The following UBE3C variants were observed in gnomAD, a reference collection of about 807,000 sequenced individuals.
The protein encoded by UBE3C is ubiquitin protein ligase E3C.
In UBE3C, 42 loss-of-function variants were observed where a neutral mutation model predicts 129.4. That is an observed-to-expected ratio of 0.32 (90% confidence interval 0.25 to 0.42). The LOEUF is 0.42. Among genes scored for constraint, UBE3C ranks in the 10% least tolerant of loss-of-function variants. The pLI is 1.00. For synonymous variants in UBE3C, 510 were observed against 492.4 expected (o/e 1.04, Z -0.47); for missense variants, 1,049 against 1,319.1 (o/e 0.80, Z 3.17).
intron 1 of UBE3C, among the ~76,000 whole-genome samples, chr7:157,150,615 G>A (rs746203117): frequency 1.3e-5 from 2 of 152,104 alleles, no homozygotes; most frequent in Non-Finnish European, 2.9e-5. Context: ...ATACTGTGCA[G>A]CCATTTAAAA....
intron 9 of UBE3C, among the ~76,000 whole-genome samples, chr7:157,184,961 A>T (rs144924708): frequency 2.0e-5 from 3 of 152,220 alleles, no homozygotes; most frequent in African/African-American, 7.2e-5. Flanking sequence ...TATAGTGGAC[A>T]GTGGATGCTG....
At chr7:157,201,961 GAA>G (rs1367488500) in intron 11 of UBE3C, among the ~76,000 whole-genome samples, 154 bp downstream of exon 11, 1 of 152,056 alleles carries the variant, frequency 6.6e-6, no homozygotes, top group African/African-American at 2.4e-5. Context: ...TGCACAAAAA[GAA>G]AAATCAGTGT....
At chr7:157,230,190 A>G (rs117950714) in intron 17 of UBE3C, among the ~76,000 whole-genome samples, 4,504 of 152,090 alleles carry the variant, frequency 0.03, 104 homozygotes, top group Admixed American at 0.056. Flanking sequence ...GATTACAGAC[A>G]TGAGCCACTG....
intron 13 of UBE3C, among the ~76,000 whole-genome samples, chr7:157,212,208 A>AG (rs1809614909): frequency 1.3e-5 from 2 of 152,216 alleles, no homozygotes; most frequent in Non-Finnish European, 2.9e-5. Flanking sequence ...GTAGAAAGAA[A>AG]AAAAAAAATT....
chr7:157,203,465 A>G (rs1022342364), intron 11 of UBE3C, among the ~76,000 whole-genome samples: 19 of 152,152 alleles, frequency 1.2e-4, no homozygotes, highest in African/African-American at 4.6e-4. Flanking sequence ...CATTAGTGAC[A>G]GGTTTGTTTT....
At chr7:157,161,625 T>G (rs1306659092) in intron 1 of UBE3C, among the ~76,000 whole-genome samples, 1 of 152,106 alleles carries the variant, frequency 6.6e-6, no homozygotes, top group African/African-American at 2.4e-5. Flanking sequence ...TAATTTGTTT[T>G]GTATTTTTTG....
intron 1 of UBE3C, among the ~76,000 whole-genome samples, chr7:157,147,281 A>G (rs1316517852): frequency 6.6e-6 from 1 of 152,190 alleles, no homozygotes; most frequent in Non-Finnish European, 1.5e-5. Context: ...TTTATTTTTA[A>G]GGGGTGCTAA....
intron 10 of UBE3C, among the ~76,000 whole-genome samples, chr7:157,195,806 C>A (rs1158362798): frequency 6.6e-6 from 1 of 152,090 alleles, no homozygotes; most frequent in Non-Finnish European, 1.5e-5. Flanking sequence ...CTTTTGAGCA[C>A]CTATGAGTGA....
intron 10 of UBE3C, among the ~76,000 whole-genome samples, chr7:157,191,246 C>T (rs564783131): frequency 1.4e-4 from 22 of 152,206 alleles, no homozygotes; most frequent in African/African-American, 5.1e-4. Context: ...TTTCTGTGCA[C>T]GCGCGTGTGT....
intron 5 of UBE3C, among the ~76,000 whole-genome samples, chr7:157,176,371 T>A (rs1267319863): frequency 2.0e-5 from 3 of 152,062 alleles, no homozygotes; most frequent in Admixed American, 1.3e-4. Context: ...GCCTCCTGGG[T>A]TCAAGCAGTT....
At chr7:157,239,910 GC>G (rs774875173) in intron 18 of UBE3C, among the ~76,000 whole-genome samples, 6 of 152,324 alleles carry the variant, frequency 3.9e-5, no homozygotes, top group Non-Finnish European at 8.8e-5. Context: ...CACTGTTGCT[GC>G]TTTCTGGGTG....
chr7:157,164,637 C>T (rs996413166), intron 2 of UBE3C: 1 of 345,140 alleles, frequency 2.9e-6, no homozygotes, highest in African/African-American at 2.2e-5. Context: ...ATTGTACTAT[C>T]TTATGACCTG....
rs146448156 is a variant in UBE3C at position 157,159,289 on chromosome 7, G to A, written c.67-4521G>A. On this transcript the variant is annotated intron_variant, in intron 1 of 22. Coordinates refer to ENST00000348165, the MANE Select transcript of UBE3C (RefSeq NM_014671.3). ...GGCATTTACAAAGTTAGGAGTATTTGACACAGCAGGCATGTGGGGAAAAAA... is the reference window on the plus strand; with the variant it reads ...GGCATTTACAAAGTTAGGAGTATTTAACACAGCAGGCATGTGGGGAAAAAA... Among the ~76,000 whole-genome samples the A allele has an allele frequency of 1.6e-3, 238 of 151,108 alleles. No individual in the cohort carries two copies. In the Middle Eastern group the frequency reaches 0.021, roughly 13 times the overall value.
intron 18 of UBE3C, among the ~76,000 whole-genome samples, chr7:157,247,133 G>A (rs999740027): frequency 3.3e-5 from 5 of 152,080 alleles, no homozygotes; most frequent in African/African-American, 1.2e-4. Flanking sequence ...TGATCCAGCC[G>A]CCTCAGCCTC....
At position 157,227,550 on chromosome 7, in the gene UBE3C, A is replaced by T. The variant is rs537850246; in HGVS notation, c.2233+2011A>T. 2.4e-4 allele frequency among the ~76,000 whole-genome samples: 37 copies of T among 151,976 alleles called. No individual in the cohort carries two copies. The South Asian group carries it at 7.5e-3, about 31-fold the overall frequency. ...TGTCTCTACTAAAAATACAAAAAAA[A>T]ATAGCTGGGCGTGGTGGTAGGCACC... On this transcript the variant is annotated intron_variant, in intron 17 of 22. Coordinates refer to ENST00000348165, the MANE Select transcript of UBE3C (RefSeq NM_014671.3).
intron 1 of UBE3C, among the ~76,000 whole-genome samples, chr7:157,161,661 C>G (rs928428259): frequency 6.6e-6 from 1 of 151,958 alleles, no homozygotes; most frequent in Non-Finnish European, 1.5e-5. Context: ...ACCATGTAGC[C>G]CAGGCTGGTC....
At chr7:157,189,612 G>A (rs562893930) in intron 10 of UBE3C, among the ~76,000 whole-genome samples, 1 of 152,136 alleles carries the variant, frequency 6.6e-6, no homozygotes, top group Non-Finnish European at 1.5e-5. Flanking sequence ...ACTCAGCCCC[G>A]CGGCATTCCT....
chr7:157,184,608 A>G (rs1808758594), intron 9 of UBE3C, among the ~76,000 whole-genome samples: 1 of 152,338 alleles, frequency 6.6e-6, no homozygotes, highest in East Asian at 1.9e-4. Flanking sequence ...GGCTTGAGGT[A>G]TGGCTATCAT....
intron 13 of UBE3C, 120 bp downstream of exon 13, chr7:157,208,055 CTTTT>C (rs35366316): frequency 2.2e-3 from 202 of 93,228 alleles, no homozygotes; most frequent in Middle Eastern, 5.0e-3. Flanking sequence ...ATTTGCAAGA[CTTTT>C]TTTTTTTTTT....
Sources: gnomAD v4.1 joint callset for allele counts (sites outside exome capture counted in the v4.1 genomes callset) on GRCh38, gnomAD v4.1.1 for gene constraint, MANE v1.5 for transcripts, NCBI Gene and HGNC (gene_info 2026-07-23, HGNC 2026-07-21) for gene names.